Variants in FOXN3 observed in about 807,000 individuals in gnomAD.
The protein encoded by FOXN3 is forkhead box N3.
Under a neutral mutation model 38.4 loss-of-function variants are expected in FOXN3, and 7 were observed. That is an observed-to-expected ratio of 0.18 (90% CI 0.10 to 0.34). The LOEUF (loss-of-function observed/expected upper bound fraction) is 0.34, where lower values mean the gene tolerates loss of function less well. Ranked by LOEUF, FOXN3 falls within the 10% of genes least tolerant of loss-of-function variation. The pLI is 1.00. For missense variants in FOXN3, 456 were observed against 613.4 expected (o/e 0.74, Z 2.71); for synonymous variants, 230 against 242.2 (o/e 0.95, Z 0.47).
chr14:89,383,666 GTTTCC>G (rs1177153784), intron 2 of FOXN3, among the ~76,000 whole-genome samples: 4 of 151,642 alleles, frequency 2.6e-5, no homozygotes, highest in African/African-American at 7.3e-5. Context: ...CCACGTATCT[GTTTCC>G]TTTCCTCTCC....
chr14:89,485,829 G>A (rs931064353), intron 1 of FOXN3, among the ~76,000 whole-genome samples: 2 of 152,116 alleles, frequency 1.3e-5, no homozygotes, highest in Non-Finnish European at 2.9e-5. Flanking sequence ...TCACTGCCTG[G>A]GCTCATGGTG....
At chr14:89,336,110 G>A (rs567050486) in intron 3 of FOXN3, among the ~76,000 whole-genome samples, 1 of 148,170 alleles carries the variant, frequency 6.7e-6, no homozygotes, top group Admixed American at 6.8e-5. Flanking sequence ...TTCGCTTTTC[G>A]ATTTTGTCTA....
At chr14:89,416,151 C>T (rs1206203802) in intron 1 of FOXN3, among the ~76,000 whole-genome samples, 1 of 152,194 alleles carries the variant, frequency 6.6e-6, no homozygotes, top group African/African-American at 2.4e-5. Context: ...GCACGCGCTT[C>T]ACTCTCGTCT....
intron 3 of FOXN3, among the ~76,000 whole-genome samples, chr14:89,344,055 T>C (rs1888697705): frequency 2.6e-5 from 4 of 152,094 alleles, no homozygotes. Flanking sequence ...AGCCACCGCA[T>C]CGAGCCGAGA....
At chr14:89,539,285 G>T (rs243222) in intron 1 of FOXN3, among the ~76,000 whole-genome samples, 122,389 of 152,240 alleles carry the variant, frequency 0.8, 49,417 homozygotes, top group Middle Eastern at 0.85. Flanking sequence ...TTTGAGAAAA[G>T]GAAATAAAAT....
At chr14:89,456,820 C>CAGTCAGAGAT (rs1892736911) in intron 1 of FOXN3, among the ~76,000 whole-genome samples, 1 of 152,106 alleles carries the variant, frequency 6.6e-6, no homozygotes, top group African/African-American at 2.4e-5. Context: ...GCTGAGAAGC[C>CAGTCAGAGAT]AGTCAGAGAT....
At chr14:89,313,267 A>G (rs1887617835) in intron 3 of FOXN3, among the ~76,000 whole-genome samples, 1 of 152,226 alleles carries the variant, frequency 6.6e-6, no homozygotes, top group Admixed American at 6.5e-5. Context: ...CTGTGTATCC[A>G]TATGAACTGA....
chr14:89,256,172 G>A (rs1165220519), intron 4 of FOXN3, among the ~76,000 whole-genome samples: 3 of 152,160 alleles, frequency 2.0e-5, no homozygotes, highest in Non-Finnish European at 4.4e-5. Flanking sequence ...AAGGACACCT[G>A]TTGTCATTTT....
chr14:89,318,826 G>A (rs1019933567), intron 3 of FOXN3, among the ~76,000 whole-genome samples: 9 of 152,194 alleles, frequency 5.9e-5, no homozygotes, highest in Admixed American at 1.3e-4. Context: ...AGATGAAGCC[G>A]CCGACCCGAT....
chr14:89,337,384 G>A (rs977263223), intron 3 of FOXN3, among the ~76,000 whole-genome samples: 1 of 152,174 alleles, frequency 6.6e-6, no homozygotes, highest in African/African-American at 2.4e-5. Context: ...ACTGCCAAGA[G>A]ATTTAAACAC....
At chr14:89,285,463 G>A (rs1886598652) in intron 3 of FOXN3, among the ~76,000 whole-genome samples, 1 of 151,440 alleles carries the variant, frequency 6.6e-6, no homozygotes, top group Non-Finnish European at 1.5e-5. Context: ...AGGTTGCAGT[G>A]AGCCGAGATC....
rs1243663605 is a variant in FOXN3, at chr14:89,161,830, T to C, written c.*584A>G. ...GGTGGCCGGCCCTCTGTGCTCGCCGTGTGACAATTCCAGTGGCTTTCCTGG... is the reference window on the plus strand; with the variant it reads ...GGTGGCCGGCCCTCTGTGCTCGCCGCGTGACAATTCCAGTGGCTTTCCTGG... On this transcript the variant is annotated 3_prime_UTR_variant, in exon 6 of 6. Transcript: ENST00000557258. The C allele has an allele frequency of 2.0e-5, 3 of 152,282 alleles. No homozygotes were observed. The highest frequency in any genetic ancestry group is 4.4e-5 in the Non-Finnish European group (3 of 68,156). The allele number at this position is 152,282 out of a possible 1,614,324, so 9.4% of individuals were successfully genotyped here.
At chr14:89,605,328 T>C (rs1446334329) in intron 1 of FOXN3, among the ~76,000 whole-genome samples, 5 of 152,110 alleles carry the variant, frequency 3.3e-5, no homozygotes, top group Admixed American at 6.5e-5. Flanking sequence ...GTATGCATGT[T>C]AAAATTTCTA....
intron 1 of FOXN3, among the ~76,000 whole-genome samples, chr14:89,600,244 G>GTGAT (rs1226501257): frequency 1.3e-5 from 2 of 152,196 alleles, no homozygotes; most frequent in African/African-American, 4.8e-5. Flanking sequence ...GACACTACTA[G>GTGAT]TGATTACAAG....
Position 89,521,366 on chromosome 14 carries a change from G to A in FOXN3, c.-15+97662C>T, listed in dbSNP as rs370331300. ...TCTTCATAGATGATAGATAGAGAGA[G>A]AGAGAGAGAGAGAGAGAGACAGATA... On this transcript the variant is annotated intron_variant, in intron 1 of 6. Coordinates refer to the FOXN3 transcript ENST00000345097. Among the ~76,000 whole-genome samples, 234 of 151,686 alleles carry A rather than the reference G, an allele frequency of 1.5e-3. 1 individual carries two copies. Among genetic ancestry groups the A allele is most frequent in the Admixed American group, 1.8e-3 (27 of 15,230 alleles).
intron 4 of FOXN3, among the ~76,000 whole-genome samples, chr14:89,182,384 T>C (rs951356326): frequency 6.6e-6 from 1 of 152,268 alleles, no homozygotes; most frequent in Admixed American, 6.5e-5. Context: ...TGTTACTAGG[T>C]CTTACAAAAG....
At chr14:89,210,832 G>A (rs1456242487) in intron 4 of FOXN3, among the ~76,000 whole-genome samples, 2 of 152,180 alleles carry the variant, frequency 1.3e-5, no homozygotes, top group Non-Finnish European at 2.9e-5. Flanking sequence ...ACACTCCATC[G>A]ACAGGGTAAA....
intron 3 of FOXN3, among the ~76,000 whole-genome samples, chr14:89,335,624 C>G (rs1221112288): frequency 6.6e-6 from 1 of 152,130 alleles, no homozygotes; most frequent in Non-Finnish European, 1.5e-5. Flanking sequence ...TAAAATTAAC[C>G]CTGTGTCTTT....
chr14:89,614,360 GGTT>G lies in FOXN3; in HGVS notation c.-15+4665_-15+4667del, dbSNP rs559848236. On this transcript the variant is annotated intron_variant, in intron 1 of 6. Transcript: ENST00000345097. ...ATAATTTATAAATAAAAGGGGCCCT[GGTT>G]TATAAGTAACCCCTAAAAATATGCC... Among the ~76,000 whole-genome samples, 7 of 152,216 alleles carry G rather than the reference GGTT, an allele frequency of 4.6e-5. No homozygotes were observed. In the South Asian group the frequency reaches 1.2e-3, roughly 27 times the overall value.
Sources: allele counts gnomAD v4.1 joint callset (sites outside exome capture counted in the v4.1 genomes callset), GRCh38; gene constraint gnomAD v4.1.1; transcripts MANE v1.5; gene names NCBI Gene and HGNC (gene_info 2026-07-23, HGNC 2026-07-21).